Variants in USH2A observed in about 807,000 individuals in gnomAD.
USH2A encodes usherin.
USH2A carries 443 observed loss-of-function variants against 538.9 expected under a neutral mutation model. That is an observed-to-expected ratio of 0.82 (90% confidence interval 0.76 to 0.89). The LOEUF (loss-of-function observed/expected upper bound fraction) is 0.89, where lower values mean the gene tolerates loss of function less well. Ranked by LOEUF, USH2A falls within the 40% of genes least tolerant of loss-of-function variation. The pLI is 0.00. For missense variants in USH2A, 6,633 were observed against 6,324.8 expected, an observed-to-expected ratio of 1.05 and a Z score of -1.65; for synonymous variants, 2,413 against 2,273.5, an observed-to-expected ratio of 1.06 and a Z score of -1.75.
intron 44 of USH2A, among the ~76,000 whole-genome samples, chr1:215,855,456 C>T (rs927069875): frequency 1.3e-5 from 2 of 152,020 alleles, no homozygotes; most frequent in Admixed American, 1.3e-4. Context: ...AGGTGAAAGA[C>T]CTCTATAAGG....
chr1:215,665,380 G>A (rs1466456986), intron 64 of USH2A, among the ~76,000 whole-genome samples: 1 of 152,218 alleles, frequency 6.6e-6, no homozygotes, highest in African/African-American at 2.4e-5. Flanking sequence ...GAGACCCTGA[G>A]TGTGCGTGGG....
At chr1:216,112,469 T>A (rs2032898548) in intron 21 of USH2A, among the ~76,000 whole-genome samples, 1 of 152,148 alleles carries the variant, frequency 6.6e-6, no homozygotes, top group Admixed American at 6.5e-5. Context: ...TTATAAAAAC[T>A]TTTATTTTAG....
chr1:216,255,811 T>C (rs1229968461), intron 11 of USH2A, among the ~76,000 whole-genome samples: 2 of 152,102 alleles, frequency 1.3e-5, no homozygotes, highest in Non-Finnish European at 2.9e-5. Flanking sequence ...CTATTAATTA[T>C]TGAGAGAAGG....
intron 37 of USH2A, among the ~76,000 whole-genome samples, chr1:215,943,977 G>A (rs1048043098): frequency 6.6e-6 from 1 of 152,122 alleles, no homozygotes; most frequent in Non-Finnish European, 1.5e-5. Flanking sequence ...TGGGTAGTGG[G>A]ATTTTAGTGG....
intron 61 of USH2A, among the ~76,000 whole-genome samples, chr1:215,697,870 C>A (rs1571967353): frequency 6.6e-6 from 1 of 152,122 alleles, no homozygotes; most frequent in Non-Finnish European, 1.5e-5. Flanking sequence ...GATACATGTG[C>A]AGAACATGCA....
Position 215,844,498 on chromosome 1 carries a change from T to C in USH2A, c.9056-2A>G, listed in dbSNP as rs754970095. 6 of 1,607,390 alleles carry C rather than the reference T, an allele frequency of 3.7e-6. No individual in the cohort carries two copies. The highest frequency in any genetic ancestry group is 5.1e-6 in the Non-Finnish European group (6 of 1,179,740). ...CTGGAGGAAGCATGCCCTGAGGCTC[T>C]AGAATTAAAGGAAGAAACTGAATAA... On this transcript the variant is annotated splice_acceptor_variant, in intron 45 of 71. Transcript: ENST00000307340. LOFTEE classifies it high-confidence loss of function.
chr1:216,180,263 A>T (rs1315239991), intron 20 of USH2A, among the ~76,000 whole-genome samples: 1 of 152,122 alleles, frequency 6.6e-6, no homozygotes, highest in Non-Finnish European at 1.5e-5. Context: ...AGGATAATAT[A>T]CAAAGTTTAA....
chr1:215,892,793 T>C (rs1665241220), intron 40 of USH2A, among the ~76,000 whole-genome samples: 1 of 152,140 alleles, frequency 6.6e-6, no homozygotes, highest in South Asian at 2.1e-4. Flanking sequence ...ATGGGCTGTA[T>C]AACATAAGTA....
chr1:215,762,837 G>A (rs1026921056), intron 56 of USH2A, among the ~76,000 whole-genome samples: 2 of 152,108 alleles, frequency 1.3e-5, no homozygotes, highest in African/African-American at 4.8e-5. Context: ...ATGGGGTGGG[G>A]TAAACTAGCT....
intron 14 of USH2A, among the ~76,000 whole-genome samples, chr1:216,225,196 T>A (rs1410927401): frequency 6.6e-6 from 1 of 152,138 alleles, no homozygotes; most frequent in Non-Finnish European, 1.5e-5. Context: ...ATATAGCCAA[T>A]GTTGGTGTAT....
intron 32 of USH2A, among the ~76,000 whole-genome samples, chr1:216,037,287 T>C (rs778196196): frequency 4.6e-5 from 7 of 152,148 alleles, no homozygotes; most frequent in Non-Finnish European, 1.0e-4. Context: ...CTAGTGAAGC[T>C]GTCCTGGGCA....
chr1:216,342,970 G>C (rs907565851), intron 4 of USH2A, among the ~76,000 whole-genome samples: 1 of 151,952 alleles, frequency 6.6e-6, no homozygotes, highest in African/African-American at 2.4e-5. Context: ...TTCACGTTAT[G>C]CACAAGTATC....
At chr1:216,366,225 T>A (rs2038593128) in intron 3 of USH2A, among the ~76,000 whole-genome samples, 1 of 152,080 alleles carries the variant, frequency 6.6e-6, no homozygotes, top group Non-Finnish European at 1.5e-5. Context: ...AGATTTAAGG[T>A]CATGCAAAGG....
At chr1:216,163,151 T>A (rs192695377) in intron 21 of USH2A, among the ~76,000 whole-genome samples, 1 of 152,052 alleles carries the variant, frequency 6.6e-6, no homozygotes, top group Admixed American at 6.6e-5. Flanking sequence ...ATATATATTT[T>A]GTTCCCAACT....
chr1:216,079,889 C>G (rs2031879327), intron 26 of USH2A: 1 of 151,950 alleles, frequency 6.6e-6, no homozygotes, highest in Admixed American at 6.6e-5. Context: ...CTCATTAGGA[C>G]CTGGTAAAAA....
At chr1:215,882,030 C>T (rs548572280) in intron 41 of USH2A, among the ~76,000 whole-genome samples, 3 of 152,256 alleles carry the variant, frequency 2.0e-5, no homozygotes, top group African/African-American at 7.2e-5. Flanking sequence ...AAGAGTAACA[C>T]CCAAAAGCAT....
chr1:216,101,388 A>T lies in USH2A; in HGVS notation c.4628-4175T>A, dbSNP rs190615617. ...TAACACTCTCTTTTCCTATAAGAAG[A>T]TTATGTATTTACAGATTCCCAACTA... On this transcript the variant is annotated intron_variant, in intron 21 of 71. Coordinates refer to ENST00000307340, the MANE Select transcript of USH2A (RefSeq NM_206933.4). Among the ~76,000 whole-genome samples the T allele has an allele frequency of 5.9e-5, 9 of 152,378 alleles. No individual in the cohort carries two copies. The East Asian group carries it at 1.7e-3, about 29-fold the overall frequency.
At chr1:216,126,138 AAG>A (rs1168535912) in intron 21 of USH2A, among the ~76,000 whole-genome samples, 27 of 152,324 alleles carry the variant, frequency 1.8e-4, no homozygotes, top group African/African-American at 6.0e-4. Flanking sequence ...TCTCACATGG[AAG>A]AGAGTGCCTA....
intron 9 of USH2A, among the ~76,000 whole-genome samples, chr1:216,293,316 A>G (rs563501070): frequency 6.6e-6 from 1 of 152,082 alleles, no homozygotes; most frequent in East Asian, 1.9e-4. Context: ...GAGCCACCGC[A>G]CCCGGCCACT....
Sources: allele counts gnomAD v4.1 joint callset (sites outside exome capture counted in the v4.1 genomes callset), GRCh38; gene constraint gnomAD v4.1.1; transcripts MANE v1.5; gene names NCBI Gene and HGNC (gene_info 2026-07-23, HGNC 2026-07-21).